The following STARD13 variants were observed in gnomAD, a reference collection of about 807,000 sequenced individuals.
STARD13 encodes stAR-related lipid transfer protein 13.
Under a neutral mutation model 106.4 loss-of-function variants are expected in STARD13, and 62 were observed. The ratio of observed to expected loss-of-function variants is 0.58; its 90% confidence interval spans 0.48 to 0.72. The LOEUF (loss-of-function observed/expected upper bound fraction) is 0.72. Among genes scored for constraint, STARD13 ranks in the 30% least tolerant of loss-of-function variants. STARD13 has a pLI of 0.00. For synonymous variants in STARD13, 565 were observed against 553.0 expected, an observed-to-expected ratio of 1.02 and a Z score of -0.31; for missense variants, 1,387 against 1,424.0, an observed-to-expected ratio of 0.97 and a Z score of 0.42.
At chr13:33,432,347 C>T in the STARD13 span, among the ~76,000 whole-genome samples, 1 of 151,986 alleles carries the variant, frequency 6.6e-6, no homozygotes, top group African/African-American at 2.4e-5. Flanking sequence ...TAATTAGTTT[C>T]TAGAAAAATT....
At chr13:33,112,037 A>G (rs1358241861) in intron 9 of STARD13, 145 bp from the exon 10 acceptor site, 1 of 587,924 alleles carries the variant, frequency 1.7e-6, no homozygotes, top group East Asian at 2.9e-5. Context: ...CAATGATCAC[A>G]TATCTTAGAT....
the STARD13 span, among the ~76,000 whole-genome samples, chr13:33,370,410 C>T: frequency 5.9e-5 from 9 of 152,194 alleles, no homozygotes; most frequent in East Asian, 5.8e-4. Context: ...ATGGTTTTCA[C>T]GGTACAATTA....
At chr13:33,566,138 A>G in the STARD13 span, among the ~76,000 whole-genome samples, 6 of 148,464 alleles carry the variant, frequency 4.0e-5, 1 homozygote, top group South Asian at 2.1e-4. Flanking sequence ...ATCTTCTCCA[A>G]TCATCACAAG....
the STARD13 span, among the ~76,000 whole-genome samples, chr13:33,596,641 A>T: frequency 1.9e-3 from 289 of 152,286 alleles, 1 homozygote; most frequent in African/African-American, 6.5e-3. Flanking sequence ...AAATACTGGA[A>T]TTATTCCTTC....
the STARD13 span, among the ~76,000 whole-genome samples, chr13:33,578,612 C>T: frequency 3.3e-5 from 5 of 151,928 alleles, no homozygotes; most frequent in Non-Finnish European, 7.4e-5. Flanking sequence ...ATGATTAAGA[C>T]CCCAAAATCA....
At chr13:33,348,207 A>C (rs561824533), downstream of STARD13, among the ~76,000 whole-genome samples, 2 of 152,214 alleles carry the variant, frequency 1.3e-5, no homozygotes, top group Non-Finnish European at 1.5e-5. Context: ...TATTTTAAAA[A>C]ATAATTGCAC....
intron 1 of STARD13, chr13:33,272,561 C>T (rs1213079504): frequency 6.6e-6 from 1 of 152,058 alleles, no homozygotes; most frequent in Non-Finnish European, 1.5e-5. Flanking sequence ...CATGACAAAC[C>T]CTGAGTCTTT....
At chr13:33,298,878 G>C (rs779525369) in intron 1 of STARD13, among the ~76,000 whole-genome samples, 15 of 152,148 alleles carry the variant, frequency 9.9e-5, no homozygotes, top group Non-Finnish European at 1.8e-4. Flanking sequence ...TCTCTTTATA[G>C]CTATCCCTGG....
chr13:33,311,129 T>TAAA (rs35391177), intron 1 of STARD13, among the ~76,000 whole-genome samples: 2 of 128,444 alleles, frequency 1.6e-5, no homozygotes, highest in South Asian at 2.5e-4. Flanking sequence ...CACCATTTCT[T>TAAA]AAAAAAAAAA....
intron 2 of STARD13, 148 bp downstream of exon 2, chr13:33,167,403 C>T: frequency 1.4e-6 from 1 of 693,780 alleles, no homozygotes; most frequent in Non-Finnish European, 2.4e-6. Context: ...AGGATAACCC[C>T]TGGGCATAGC....
At chr13:33,661,887 G>T in the STARD13 span, among the ~76,000 whole-genome samples, 1 of 146,700 alleles carries the variant, frequency 6.8e-6, no homozygotes, top group Admixed American at 6.9e-5. Flanking sequence ...GAAGAATCAG[G>T]AATATGATCT....
At chr13:33,139,920 T>G (rs1405874100) in intron 4 of STARD13, among the ~76,000 whole-genome samples, 1 of 152,220 alleles carries the variant, frequency 6.6e-6, no homozygotes, top group Admixed American at 6.5e-5. Flanking sequence ...AGACCACATG[T>G]CAGCATTATT....
the STARD13 span, among the ~76,000 whole-genome samples, chr13:33,511,766 G>A: frequency 4.6e-3 from 694 of 152,190 alleles, 2 homozygotes; most frequent in Non-Finnish European, 7.7e-3. Flanking sequence ...AAAAAGTTCC[G>A]TACCATGGTT....
At chr13:33,525,098 T>C in the STARD13 span, among the ~76,000 whole-genome samples, 5 of 152,056 alleles carry the variant, frequency 3.3e-5, no homozygotes, top group Admixed American at 6.6e-5. Flanking sequence ...CATAGCTCAC[T>C]GAAGCCTTAA....
chr13:33,258,478 A>G (rs1890479219), intron 1 of STARD13, among the ~76,000 whole-genome samples: 1 of 152,172 alleles, frequency 6.6e-6, no homozygotes, highest in Admixed American at 6.5e-5. Flanking sequence ...ATTAGGAAGA[A>G]AGAAAAAAAA....
At chr13:33,399,753 G>T in the STARD13 span, among the ~76,000 whole-genome samples, 1 of 122,612 alleles carries the variant, frequency 8.2e-6, no homozygotes. Flanking sequence ...TACAAATCAA[G>T]CATCAATTAA....
At chr13:33,467,511 G>C in the STARD13 span, among the ~76,000 whole-genome samples, 1 of 152,152 alleles carries the variant, frequency 6.6e-6, no homozygotes, top group East Asian at 1.9e-4. Context: ...ACTGGTATTT[G>C]TCCATGGTCC....
intron 1 of STARD13, among the ~76,000 whole-genome samples, chr13:33,283,995 C>A (rs964639067): frequency 1.3e-5 from 2 of 152,092 alleles, no homozygotes; most frequent in African/African-American, 2.4e-5. Flanking sequence ...TAGATGATAG[C>A]GCATCATTAA....
chr13:33,351,617 T>G (rs78769447), upstream of STARD13, among the ~76,000 whole-genome samples: 1,006 of 152,302 alleles, frequency 6.6e-3, 10 homozygotes, highest in African/African-American at 0.023. Flanking sequence ...GAGATGTGAT[T>G]AATGCCTTAC....
Sources: allele counts gnomAD v4.1 joint callset (sites outside exome capture counted in the v4.1 genomes callset), GRCh38; gene constraint gnomAD v4.1.1; transcripts MANE v1.5; gene names NCBI Gene and HGNC (gene_info 2026-07-23, HGNC 2026-07-21).